The following THSD7A variants were observed in gnomAD, a reference collection of about 807,000 sequenced individuals.
THSD7A encodes thrombospondin type-1 domain-containing protein 7A.
THSD7A carries 96 observed loss-of-function variants against 231.3 expected under a neutral mutation model. The observed-to-expected ratio is 0.41, with a 90% CI of 0.35 to 0.49. The LOEUF is 0.49. Among genes scored for constraint, THSD7A ranks in the 20% least tolerant of loss-of-function variants. The probability of loss-of-function intolerance (pLI) is 0.05; values close to 1 mark genes in which losing one functional copy is unlikely to be tolerated. For synonymous variants in THSD7A, 940 were observed against 743.3 expected, an observed-to-expected ratio of 1.26 and a Z score of -4.30; for missense variants, 2,290 against 2,070.2, an observed-to-expected ratio of 1.11 and a Z score of -2.06.
At chr7:11,622,311 T>C (rs1286150747) in intron 2 of THSD7A, among the ~76,000 whole-genome samples, 1 of 152,040 alleles carries the variant, frequency 6.6e-6, no homozygotes, top group Non-Finnish European at 1.5e-5. Flanking sequence ...TGTTTTCTCT[T>C]TTGTTTTCAA....
chr7:11,559,775 A>G (rs1023572717), intron 4 of THSD7A, among the ~76,000 whole-genome samples: 1 of 152,154 alleles, frequency 6.6e-6, no homozygotes, highest in East Asian at 1.9e-4. Context: ...TAGTTTGTCA[A>G]AACATTTTAA....
At chr7:11,531,628 T>A (rs1788713666) in intron 6 of THSD7A, among the ~76,000 whole-genome samples, 1 of 152,198 alleles carries the variant, frequency 6.6e-6, no homozygotes, top group Non-Finnish European at 1.5e-5. Context: ...CCTTTGTGTC[T>A]CTTCACAGAT....
intron 1 of THSD7A, among the ~76,000 whole-genome samples, chr7:11,757,557 A>G (rs560876701): frequency 2.0e-5 from 3 of 152,164 alleles, no homozygotes; most frequent in Admixed American, 2.0e-4. Flanking sequence ...TCTTCTGGAT[A>G]CTTACTCATT....
chr7:11,751,753 G>A (rs1036904041), intron 1 of THSD7A, among the ~76,000 whole-genome samples: 5 of 151,286 alleles, frequency 3.3e-5, no homozygotes, highest in East Asian at 1.9e-4. Flanking sequence ...TTGTTGCACC[G>A]TTTAAAAAAA....
intron 6 of THSD7A, among the ~76,000 whole-genome samples, chr7:11,528,812 T>A (rs78036851): frequency 6.6e-6 from 1 of 152,128 alleles, no homozygotes; most frequent in Non-Finnish European, 1.5e-5. Flanking sequence ...ACAGCATCTC[T>A]TTTTTTACTT....
intron 4 of THSD7A, among the ~76,000 whole-genome samples, chr7:11,584,260 T>A (rs908801331): frequency 6.6e-6 from 1 of 152,098 alleles, no homozygotes; most frequent in Non-Finnish European, 1.5e-5. Context: ...TAAAACAACA[T>A]TGGAAAAAAT....
At chr7:11,706,394 T>G (rs1489079238) in intron 1 of THSD7A, among the ~76,000 whole-genome samples, 2 of 150,882 alleles carry the variant, frequency 1.3e-5, no homozygotes, top group African/African-American at 4.8e-5. Context: ...AAAAACATGA[T>G]GAGTCTTAAG....
rs145753881 is a variant in THSD7A, at chr7:11,406,634, A to C, written c.4063-160T>G. Among the ~76,000 whole-genome samples, 331 of 152,356 alleles carry C rather than the reference A, an allele frequency of 2.2e-3. No homozygotes were observed. The highest frequency in any genetic ancestry group is 7.8e-3 in the African/African-American group (324 of 41,570). On this transcript the variant is annotated intron_variant, in intron 21 of 27. Transcript: ENST00000423059. This position sits in a 1 kb window ranked among gnomAD's most constrained non-coding sequence, Gnocchi z 4.7. ...CCCTATAGGGCACTAGCAATAAAGC[A>C]TACATTGAACAATTTGTTTCCTAGC...
intron 1 of THSD7A, among the ~76,000 whole-genome samples, chr7:11,689,435 G>T (rs918579194): frequency 2.0e-5 from 3 of 151,820 alleles, no homozygotes; most frequent in African/African-American, 7.2e-5. Context: ...CCTTGGCCTT[G>T]TCATATTCTA....
intron 23 of THSD7A, among the ~76,000 whole-genome samples, chr7:11,396,139 C>A (rs1457419448): frequency 6.6e-6 from 1 of 152,098 alleles, no homozygotes; most frequent in Non-Finnish European, 1.5e-5. Flanking sequence ...TGGCACACAG[C>A]TAAAACTGTG....
chr7:11,684,397 GAAA>G (rs111442594), intron 1 of THSD7A, among the ~76,000 whole-genome samples: 1 of 127,878 alleles, frequency 7.8e-6, no homozygotes. Context: ...AATGAGGCAT[GAAA>G]AAAAAAAAGA....
At chr7:11,464,369 T>C (rs1465401200) in intron 9 of THSD7A, among the ~76,000 whole-genome samples, 5 of 151,994 alleles carry the variant, frequency 3.3e-5, no homozygotes, top group African/African-American at 9.7e-5. Context: ...ACCAGGGGAT[T>C]TGGGGGCTGG....
In THSD7A at chr7:11,650,785, A is replaced by G. The variant is rs1197727833; in HGVS notation, c.191-13824T>C. On this transcript the variant is annotated intron_variant, in intron 1 of 27. Coordinates refer to ENST00000423059, the MANE Select transcript of THSD7A (RefSeq NM_015204.3). ...AATAGCACAGAAGTAGCATCACACA[A>G]TGAGCTTGTGGTAGATGTATTTGTT... Among the ~76,000 whole-genome samples the G allele has an allele frequency of 3.3e-5, 5 of 151,796 alleles. No individual in the cohort carries two copies. The Admixed American group carries it at 3.3e-4, about 10-fold the overall frequency.
Position 11,377,242 on chromosome 7 carries a change from T to C in THSD7A, c.4802-585A>G, listed in dbSNP as rs1221677034. On this transcript the variant is annotated intron_variant, in intron 26 of 27. Coordinates refer to ENST00000423059, the MANE Select transcript of THSD7A (RefSeq NM_015204.3). The surrounding 1 kb of genome is among the most constrained non-coding windows in gnomAD (Gnocchi z 4.5). ...TCAAAAACAACTGGTTTGGTTAACATATAAAAGGATCTATAAATAATTTTT... is the reference window on the plus strand; with the variant it reads ...TCAAAAACAACTGGTTTGGTTAACACATAAAAGGATCTATAAATAATTTTT... 6.6e-6 allele frequency among the ~76,000 whole-genome samples: 1 copy of C among 152,068 alleles called. No individual in the cohort carries two copies. The highest frequency in any genetic ancestry group is 6.6e-5 in the Admixed American group (1 of 15,244).
chr7:11,546,195 G>GGCGCGTGTGTGCGCGCGC (rs1554335255), intron 4 of THSD7A, among the ~76,000 whole-genome samples: 38 of 78,738 alleles, frequency 4.8e-4, no homozygotes, highest in African/African-American at 1.8e-3. Context: ...TGCTGGTGTG[G>GGCGCGTGTGTGCGCGCGC]GCGCGCGCTC....
intron 1 of THSD7A, among the ~76,000 whole-genome samples, chr7:11,811,226 GCA>G (rs142924761): frequency 1.3e-5 from 2 of 151,302 alleles, no homozygotes; most frequent in Non-Finnish European, 3.0e-5. Flanking sequence ...GAATTATCAA[GCA>G]CACACACACA....
chr7:11,556,920 A>G (rs1789871123), intron 4 of THSD7A, among the ~76,000 whole-genome samples: 1 of 151,940 alleles, frequency 6.6e-6, no homozygotes, highest in Non-Finnish European at 1.5e-5. Flanking sequence ...TTTTATTATA[A>G]TATGTCTTGG....
intron 11 of THSD7A, among the ~76,000 whole-genome samples, chr7:11,448,593 A>G (rs1785049250): frequency 6.6e-6 from 1 of 152,140 alleles, no homozygotes; most frequent in Admixed American, 6.6e-5. Flanking sequence ...CAGTGAGGGC[A>G]TAGAGGGCCT....
In THSD7A at chr7:11,474,780, T is replaced by A. The variant is rs1786088862; in HGVS notation, c.2018-212A>T. On this transcript the variant is annotated intron_variant, in intron 7 of 27. Coordinates refer to ENST00000423059, the MANE Select transcript of THSD7A (RefSeq NM_015204.3). This position sits in a 1 kb window ranked among gnomAD's most constrained non-coding sequence, Gnocchi z 4.1. ...TCTGCTACACTCAAGGATCTCATAA[T>A]GTAGTAGGGAAAAGTAGTAGGGGAG... Among the ~76,000 whole-genome samples the A allele has an allele frequency of 6.6e-6, 1 of 152,180 alleles. No homozygotes were observed. The highest frequency in any genetic ancestry group is 2.1e-4 in the South Asian group (1 of 4,828).
Sources: allele counts gnomAD v4.1 joint callset (sites outside exome capture counted in the v4.1 genomes callset), GRCh38; gene constraint gnomAD v4.1.1; non-coding constraint Gnocchi (gnomAD v3.1); transcripts MANE v1.5; gene names NCBI Gene and HGNC (gene_info 2026-07-23, HGNC 2026-07-21).